The following SUCLG2 variants were observed in gnomAD, a reference collection of about 807,000 sequenced individuals.
SUCLG2 encodes succinate-CoA ligase GDP-forming subunit beta.
In SUCLG2, 42 loss-of-function variants were observed where a neutral mutation model predicts 47.9. The ratio of observed to expected loss-of-function variants is 0.88; its 90% CI spans 0.69 to 1.14. The LOEUF (loss-of-function observed/expected upper bound fraction) is 1.14. Among genes scored for constraint, SUCLG2 ranks in the 50% most tolerant of loss-of-function variants. The probability of loss-of-function intolerance (pLI) is 0.00; values close to 1 mark genes in which losing one functional copy is unlikely to be tolerated. For missense variants in SUCLG2, 571 were observed against 525.9 expected, an observed-to-expected ratio of 1.09 and a Z score of -0.84; for synonymous variants, 195 against 197.3, an observed-to-expected ratio of 0.99 and a Z score of 0.10.
intron 1 of SUCLG2, among the ~76,000 whole-genome samples, chr3:67,654,121 G>C (rs1701338211): frequency 6.6e-6 from 1 of 152,240 alleles, no homozygotes; most frequent in South Asian, 2.1e-4. Flanking sequence ...GTTAGTGCCA[G>C]AAGTTTGAAA....
rs114474545 is a variant in SUCLG2 at position 67,382,382 on chromosome 3, T to G, written c.1184-6523A>C. On this transcript the variant is annotated intron_variant, in intron 10 of 10. Coordinates refer to ENST00000307227, the MANE Select transcript of SUCLG2 (RefSeq NM_003848.4). ...AGCCACATAACCACGCAGCTGGCCTTTAAGTGCTAGAAGGAATTCACTAGA... is the reference window on the plus strand; with the variant it reads ...AGCCACATAACCACGCAGCTGGCCTGTAAGTGCTAGAAGGAATTCACTAGA... 2.6e-3 allele frequency among the ~76,000 whole-genome samples: 391 copies of G among 152,260 alleles called. 2 individuals carry two copies. Among genetic ancestry groups the G allele is most frequent in the African/African-American group, 9.0e-3 (372 of 41,560 alleles).
chr3:67,404,968 ATTTTTTTTT>A (rs35223699), intron 9 of SUCLG2, among the ~76,000 whole-genome samples: 25 of 134,788 alleles, frequency 1.9e-4, no homozygotes, highest in African/African-American at 6.3e-4. Flanking sequence ...GGCAAAGAGA[ATTTTTTTTT>A]TTTTTTTTTT....
At chr3:67,486,568 C>T (rs1705059946) in intron 9 of SUCLG2, among the ~76,000 whole-genome samples, 1 of 152,052 alleles carries the variant, frequency 6.6e-6, no homozygotes, top group Non-Finnish European at 1.5e-5. Context: ...TTAAAGACAC[C>T]TTATTTAATA....
chr3:67,407,297 T>A (rs747980927), intron 9 of SUCLG2, among the ~76,000 whole-genome samples: 4 of 152,210 alleles, frequency 2.6e-5, no homozygotes, highest in Admixed American at 6.5e-5. Context: ...TCCTTCTTCA[T>A]GTCACTTGAT....
At chr3:67,571,461 C>T (rs1253679321) in intron 2 of SUCLG2, among the ~76,000 whole-genome samples, 1 of 152,194 alleles carries the variant, frequency 6.6e-6, no homozygotes. Context: ...ACCCTGAATT[C>T]TAAGGGCCAG....
chr3:67,626,257 G>A (rs13068996), intron 1 of SUCLG2, among the ~76,000 whole-genome samples: 46,294 of 151,002 alleles, frequency 0.31, 7,237 homozygotes, highest in Non-Finnish European at 0.36. Flanking sequence ...CTCTCAAAGT[G>A]CTGGGATTAC....
rs574651443 is a variant in SUCLG2 at position 67,601,273 on chromosome 3, T to C, written c.226+8182A>G. On this transcript the variant is annotated intron_variant, in intron 2 of 10. Coordinates refer to ENST00000307227, the MANE Select transcript of SUCLG2 (RefSeq NM_003848.4). Reference sequence around the variant, plus strand: ...AAAACAAAAATGAAAGAAAATATGTTAATATTAGCACAGGCTTCCTCTAAG... The same window carrying C: ...AAAACAAAAATGAAAGAAAATATGTCAATATTAGCACAGGCTTCCTCTAAG... 3.3e-5 allele frequency among the ~76,000 whole-genome samples: 5 copies of C among 152,354 alleles called. 1 individual carries two copies. Among genetic ancestry groups the C allele is most frequent in the African/African-American group, 1.2e-4 (5 of 41,590 alleles).
chr3:67,624,083 C>A (rs1700781150), intron 1 of SUCLG2, among the ~76,000 whole-genome samples: 1 of 152,248 alleles, frequency 6.6e-6, no homozygotes, highest in Non-Finnish European at 1.5e-5. Flanking sequence ...TCAACCCACT[C>A]CTGCTCCTTC....
In SUCLG2 at chr3:67,612,242, C is replaced by T. The variant is rs116742484; in HGVS notation, c.85-2646G>A. On this transcript the variant is annotated intron_variant, in intron 1 of 10. Transcript: ENST00000307227. ...GATGTGGTAGTGCATGCCCACAGTACCAGCTAATTGGGTGGCTGAGGCTGG... is the reference window on the plus strand; with the variant it reads ...GATGTGGTAGTGCATGCCCACAGTATCAGCTAATTGGGTGGCTGAGGCTGG... Among the ~76,000 whole-genome samples, 971 of 152,148 alleles carry T rather than the reference C, an allele frequency of 6.4e-3. 9 individuals are homozygous for T. The highest frequency in any genetic ancestry group is 0.022 in the African/African-American group (895 of 41,482).
intron 2 of SUCLG2, among the ~76,000 whole-genome samples, chr3:67,606,543 A>G (rs954074328): frequency 6.6e-6 from 1 of 152,206 alleles, no homozygotes; most frequent in Non-Finnish European, 1.5e-5. Flanking sequence ...CCACAAGAGT[A>G]TAAAACAAAA....
At chr3:67,527,084 T>C (rs943110726) in intron 4 of SUCLG2, among the ~76,000 whole-genome samples, 4 of 152,220 alleles carry the variant, frequency 2.6e-5, no homozygotes, top group African/African-American at 9.6e-5. Context: ...ACACCTACTA[T>C]GTACCCACAA....
intron 10 of SUCLG2, among the ~76,000 whole-genome samples, chr3:67,399,406 T>A (rs984056405): frequency 2.0e-5 from 3 of 152,216 alleles, no homozygotes; most frequent in Admixed American, 2.0e-4. Context: ...ACACTATAGT[T>A]GCTCAGACTT....
chr3:67,542,729 G>T (rs1297646757), intron 2 of SUCLG2, among the ~76,000 whole-genome samples: 1 of 152,102 alleles, frequency 6.6e-6, no homozygotes, highest in East Asian at 1.9e-4. Flanking sequence ...ACAAAGAAGG[G>T]CATTACATAA....
In SUCLG2 at chr3:67,405,026, A is replaced by T. The variant is rs566013333; in HGVS notation, c.1063-4175T>A. Among the ~76,000 whole-genome samples, 67 of 143,592 alleles carry T rather than the reference A, an allele frequency of 4.7e-4. 1 individual carries two copies. Among genetic ancestry groups the T allele is most frequent in the African/African-American group, 1.7e-3 (64 of 38,452 alleles). 94.2% of individuals were successfully genotyped at this position (143,592 alleles called of 152,430 possible). A position where few individuals can be genotyped will look rare whatever the true frequency, so the allele number is the denominator to read the frequency against. On this transcript the variant is annotated intron_variant, in intron 9 of 10. Coordinates refer to ENST00000307227, the MANE Select transcript of SUCLG2 (RefSeq NM_003848.4). ...GTTAGGTCTATTTAAGTAACCAGAG[A>T]CTCTCCCGGAAGATCCCAAGTGCTT...
rs371311656 is a variant in SUCLG2, at chr3:67,375,603, C to T, written c.*141G>A. The T allele has an allele frequency of 1.4e-6, 2 of 1,425,650 alleles. No homozygotes were observed. The highest frequency in any genetic ancestry group is 1.8e-6 in the Non-Finnish European group (2 of 1,092,010). 88.3% of individuals were successfully genotyped at this position (1,425,650 alleles called of 1,614,324 possible). On this transcript the variant is annotated 3_prime_UTR_variant, in exon 11 of 11. Coordinates refer to ENST00000307227, the MANE Select transcript of SUCLG2 (RefSeq NM_003848.4). Reference sequence around the variant, plus strand: ...TCTAGATATCTTATTCCAGAAAACACAGATTTAAGATTTTTCAGTGATTCT... The same window carrying T: ...TCTAGATATCTTATTCCAGAAAACATAGATTTAAGATTTTTCAGTGATTCT...
chr3:67,450,518 A>G (rs1295326915), intron 9 of SUCLG2, among the ~76,000 whole-genome samples: 2 of 152,196 alleles, frequency 1.3e-5, no homozygotes. Context: ...GTATTGTGAA[A>G]ATTTTCAAGT....
intron 1 of SUCLG2, among the ~76,000 whole-genome samples, chr3:67,640,302 T>A (rs1338683464): frequency 6.6e-6 from 1 of 152,224 alleles, no homozygotes; most frequent in African/African-American, 2.4e-5. Context: ...AAGTTAAGCA[T>A]GTATCTGGCA....
chr3:67,579,462 C>T (rs1361014327), intron 2 of SUCLG2, among the ~76,000 whole-genome samples: 2 of 152,080 alleles, frequency 1.3e-5, no homozygotes, highest in African/African-American at 2.4e-5. Flanking sequence ...GTTTTATTGC[C>T]CATCATTTTT....
intron 9 of SUCLG2, among the ~76,000 whole-genome samples, chr3:67,447,211 T>C (rs1237873402): frequency 6.6e-6 from 1 of 152,186 alleles, no homozygotes; most frequent in Non-Finnish European, 1.5e-5. Flanking sequence ...CTACCTCATT[T>C]CTCAACTGTA....
Sources: gnomAD v4.1 joint callset for allele counts (sites outside exome capture counted in the v4.1 genomes callset) on GRCh38, gnomAD v4.1.1 for gene constraint, MANE v1.5 for transcripts, NCBI Gene and HGNC (gene_info 2026-07-23, HGNC 2026-07-21) for gene names.